The following SPAG17 variants were observed in gnomAD, a reference collection of about 807,000 sequenced individuals.
SPAG17 encodes sperm-associated antigen 17.
A neutral mutation model predicts 273.6 loss-of-function variants in SPAG17; 169 were observed. The observed-to-expected ratio is 0.62, with a 90% CI of 0.55 to 0.70. The LOEUF (loss-of-function observed/expected upper bound fraction) is 0.70, where lower values mean the gene tolerates loss of function less well. SPAG17 is among the 30% of genes least tolerant of loss of function. The probability of loss-of-function intolerance (pLI) is 0.00; values close to 1 mark genes in which losing one functional copy is unlikely to be tolerated. For synonymous variants in SPAG17, 825 were observed against 873.2 expected, an observed-to-expected ratio of 0.94 and a Z score of 0.97; for missense variants, 2,557 against 2,627.8, an observed-to-expected ratio of 0.97 and a Z score of 0.59.
At chr1:118,070,606 G>A (rs1653476288) in intron 17 of SPAG17, among the ~76,000 whole-genome samples, 2 of 152,134 alleles carry the variant, frequency 1.3e-5, no homozygotes, top group African/African-American at 4.8e-5. Flanking sequence ...GAAATATAAA[G>A]TGAGCCACAA....
intron 3 of SPAG17, among the ~76,000 whole-genome samples, chr1:118,118,021 A>G (rs1657193966): frequency 6.6e-6 from 1 of 152,242 alleles, no homozygotes; most frequent in South Asian, 2.1e-4. Context: ...TTTCATTTCA[A>G]AATTCTTTCT....
At chr1:118,065,546 G>A (rs1339070969) in intron 18 of SPAG17, among the ~76,000 whole-genome samples, 1 of 152,108 alleles carries the variant, frequency 6.6e-6, no homozygotes, top group Non-Finnish European at 1.5e-5. Context: ...GAATACACAT[G>A]TAACTATTCT....
intron 1 of SPAG17, among the ~76,000 whole-genome samples, chr1:118,179,511 G>A (rs1403399887): frequency 2.0e-5 from 3 of 151,984 alleles, no homozygotes; most frequent in African/African-American, 7.2e-5. Flanking sequence ...TTGGAGAAAT[G>A]TTTCAGGACA....
At chr1:118,085,532 G>A (rs902994051) in intron 13 of SPAG17, among the ~76,000 whole-genome samples, 43 of 151,426 alleles carry the variant, frequency 2.8e-4, no homozygotes, top group African/African-American at 8.6e-4. Flanking sequence ...ATACGCGTGC[G>A]CGCGCGCACA....
chr1:118,115,182 T>G, intron 4 of SPAG17, 128 bp downstream of exon 4: 1 of 1,005,034 alleles, frequency 9.9e-7, no homozygotes, highest in Non-Finnish European at 1.5e-6. Flanking sequence ...GAAGTTGAGG[T>G]GACAGCCAAA....
rs752614439 is a variant in SPAG17, at chr1:118,040,793, T to G, written c.3103A>C (p.Asn1035His). 6.2e-7 allele frequency: 1 copy of G among 1,604,724 alleles called. No individual in the cohort carries two copies. The highest frequency in any genetic ancestry group is 8.5e-7 in the Non-Finnish European group (1 of 1,171,318). Residue 1035 changes from asparagine to histidine, a missense_variant, in exon 22 of 49, where the codon AAT (asparagine) becomes CAT (histidine). Transcript: ENST00000336338. ...CCATCAGAAGGATACAGGTAGTAAT[T>G]TGACCCTGAGATTTGAGTGGGTATA... is the stretch of plus-strand genomic sequence containing the variant. The part of the protein sequence containing the change: ...GNIPTQISGS[N>H]YYLYPSDGGQ...
intron 1 of SPAG17, among the ~76,000 whole-genome samples, chr1:118,172,855 A>G (rs1207231785): frequency 6.6e-6 from 1 of 152,150 alleles, no homozygotes; most frequent in East Asian, 1.9e-4. Flanking sequence ...TAGCTTTGCC[A>G]TCTCTGAACA....
At chr1:118,082,460 G>A (rs1470227338) in intron 13 of SPAG17, among the ~76,000 whole-genome samples, 1 of 152,166 alleles carries the variant, frequency 6.6e-6, no homozygotes. Flanking sequence ...GAAAAAACAG[G>A]GAGATTCAGA....
chr1:118,104,917 T>C (rs1409783320), intron 4 of SPAG17, among the ~76,000 whole-genome samples: 4 of 152,116 alleles, frequency 2.6e-5, no homozygotes, highest in African/African-American at 7.2e-5. Context: ...GGTCAAGGTA[T>C]GTATATATGT....
chr1:118,115,259 A>G (rs1346092221), intron 4 of SPAG17, 51 bp downstream of exon 4: 1 of 1,599,172 alleles, frequency 6.3e-7, no homozygotes, highest in South Asian at 1.1e-5. Flanking sequence ...ACCTGGCTCC[A>G]TTTCATTCAC....
intron 1 of SPAG17, among the ~76,000 whole-genome samples, chr1:118,175,624 C>T (rs1660661467): frequency 6.8e-6 from 1 of 147,052 alleles, no homozygotes. Flanking sequence ...TCCAGCAAAG[C>T]TACACTTCAA....
chr1:117,954,561 T>A (rs1462926153), intron 48 of SPAG17: 1 of 1,611,418 alleles, frequency 6.2e-7, no homozygotes, highest in Admixed American at 1.7e-5. Context: ...AATGACTTGA[T>A]TTAATAATTT....
rs550974786 is a variant in SPAG17, at chr1:118,014,123, G to T, written c.4288-1751C>A. 1.6e-4 allele frequency among the ~76,000 whole-genome samples: 25 copies of T among 152,276 alleles called. 1 individual carries two copies. In the East Asian group the frequency reaches 4.8e-3, roughly 29 times the overall value. On this transcript the variant is annotated intron_variant, in intron 29 of 48. Transcript: ENST00000336338. Reference sequence around the variant, plus strand: ...TCTACCATTTGCTGTGTGACCTTGGGCAAATTACTTAACCTCTCTGTAGCT... The same window carrying T: ...TCTACCATTTGCTGTGTGACCTTGGTCAAATTACTTAACCTCTCTGTAGCT...
intron 20 of SPAG17, among the ~76,000 whole-genome samples, chr1:118,045,084 C>CTGTGATATTGGG (rs1650198688): frequency 6.6e-6 from 1 of 152,130 alleles, no homozygotes; most frequent in Non-Finnish European, 1.5e-5. Context: ...TAAGCAAAAA[C>CTGTGATATTGGG]TGAGTTTAAT....
chr1:118,136,833 T>TGTGTGTGTGTGTGTGTG lies in SPAG17; in HGVS notation c.315+13709_315+13710insCACACACACACACACAC, dbSNP rs1553254756. On this transcript the variant is annotated intron_variant, in intron 3 of 48. Transcript: ENST00000336338. ...TGTGTGTGTGTGTGTGTGTGTGTGT[T>TGTGTGTGTGTGTGTGTG]TTTAATGATGGAGGAATCATGAAAT... 1.1e-4 allele frequency among the ~76,000 whole-genome samples: 15 copies of TGTGTGTGTGTGTGTGTG among 137,560 alleles called. No homozygotes were observed. In the South Asian group the frequency reaches 1.3e-3, roughly 12 times the overall value. The allele number at this position is 137,560 out of a possible 152,430, so 90.2% of individuals were successfully genotyped here.
intron 3 of SPAG17, among the ~76,000 whole-genome samples, chr1:118,116,506 G>A (rs1343448918): frequency 6.6e-6 from 1 of 152,170 alleles, no homozygotes; most frequent in African/African-American, 2.4e-5. Flanking sequence ...CAATGACTGT[G>A]CACACTGCAT....
rs1186334542 is a variant in SPAG17, at chr1:117,984,733, T to C, written c.5719A>G (p.Ile1907Val). Residue 1907 changes from isoleucine to valine, a missense_variant, in exon 41 of 49, where the codon ATA becomes GTA. Transcript: ENST00000336338. ...TCAGATTTAAAAAAGGGTGGTATTATGCGGTTCTTAATATCCATTAGGTAA... is the reference window on the plus strand; with the variant it reads ...TCAGATTTAAAAAAGGGTGGTATTACGCGGTTCTTAATATCCATTAGGTAA... ...QNYLMDIKNR[I>V]IPPFFKSELN... The C allele has an allele frequency of 2.4e-5, 38 of 1,611,802 alleles. No homozygotes were observed. Among genetic ancestry groups the C allele is most frequent in the Non-Finnish European group, 3.2e-5 (38 of 1,178,404 alleles).
At chr1:117,984,140 C>G (rs1321330912) in intron 41 of SPAG17, among the ~76,000 whole-genome samples, 8 of 152,200 alleles carry the variant, frequency 5.3e-5, no homozygotes, top group African/African-American at 1.9e-4. Context: ...GCAGGGCGTT[C>G]TGAACATATG....
intron 48 of SPAG17, chr1:117,954,433 T>C: frequency 2.7e-6 from 2 of 733,076 alleles, no homozygotes; most frequent in Non-Finnish European, 4.4e-6. Flanking sequence ...AACTAACAGG[T>C]TTGATAATTC....
Sources: allele counts gnomAD v4.1 joint callset (sites outside exome capture counted in the v4.1 genomes callset), GRCh38; gene constraint gnomAD v4.1.1; transcripts MANE v1.5; gene names NCBI Gene and HGNC (gene_info 2026-07-23, HGNC 2026-07-21).